Variants in AIG1 observed in about 807,000 individuals in gnomAD.
The protein encoded by AIG1 is androgen induced 1.
AIG1 carries 23 observed loss-of-function variants against 31.4 expected under a neutral mutation model. The observed-to-expected ratio is 0.73, with a 90% CI of 0.53 to 1.04. AIG1 has a LOEUF of 1.04. AIG1 is among the 50% of genes least tolerant of loss of function. The pLI, the probability that AIG1 is intolerant of heterozygous loss-of-function variation, is 0.00. For synonymous variants in AIG1, 100 were observed against 110.5 expected (o/e 0.90, Z 0.60); for missense variants, 274 against 295.0 (o/e 0.93, Z 0.52).
intron 1 of AIG1, among the ~76,000 whole-genome samples, chr6:143,081,194 T>G (rs575558185): frequency 6.6e-6 from 1 of 152,244 alleles, no homozygotes; most frequent in East Asian, 1.9e-4. Flanking sequence ...TTAGCTTTTT[T>G]AGATGTCGTT....
chr6:143,254,763 T>C (rs1382313290), intron 3 of AIG1, among the ~76,000 whole-genome samples: 3 of 152,160 alleles, frequency 2.0e-5, no homozygotes, highest in African/African-American at 4.8e-5. Flanking sequence ...CTTGTATTCC[T>C]AGCAAGCGTG....
intron 3 of AIG1, among the ~76,000 whole-genome samples, chr6:143,182,929 A>T (rs991408088): frequency 5.9e-5 from 9 of 152,144 alleles, no homozygotes; most frequent in Non-Finnish European, 8.8e-5. Context: ...TTATTTTCTA[A>T]CTTGTATTTA....
intron 4 of AIG1, among the ~76,000 whole-genome samples, chr6:143,311,924 A>C (rs1413901499): frequency 6.6e-6 from 1 of 152,052 alleles, no homozygotes; most frequent in Non-Finnish European, 1.5e-5. Flanking sequence ...ACATTGAAGA[A>C]TCTGAAAAAG....
At chr6:143,104,653 C>T (rs1562380030) in intron 1 of AIG1, among the ~76,000 whole-genome samples, 1 of 151,904 alleles carries the variant, frequency 6.6e-6, no homozygotes, top group Non-Finnish European at 1.5e-5. Context: ...AATCCCAGTA[C>T]TTTGGGAGGC....
At chr6:143,336,970 C>CG (rs1777538669) in intron 5 of AIG1, among the ~76,000 whole-genome samples, 2 of 152,236 alleles carry the variant, frequency 1.3e-5, no homozygotes, top group South Asian at 2.1e-4. Context: ...CTGAAGCTAG[C>CG]GGGGGAAATT....
At chr6:143,182,578 T>C (rs1788833404) in intron 3 of AIG1, among the ~76,000 whole-genome samples, 1 of 151,982 alleles carries the variant, frequency 6.6e-6, no homozygotes, top group Admixed American at 6.6e-5. Flanking sequence ...AACCCCATAC[T>C]CCCCACTCAC....
intron 4 of AIG1, among the ~76,000 whole-genome samples, chr6:143,302,193 T>G (rs1449526251): frequency 6.6e-6 from 1 of 151,780 alleles, no homozygotes; most frequent in East Asian, 1.9e-4. Context: ...ATTTTTTTAT[T>G]TTTTATTTTT....
chr6:143,071,762 C>CT (rs966711415), intron 1 of AIG1, among the ~76,000 whole-genome samples: 7 of 149,074 alleles, frequency 4.7e-5, no homozygotes, highest in Admixed American at 1.3e-4. Context: ...TTCTTCTCTT[C>CT]TTTTTTTTTC....
chr6:143,333,186 G>T lies in AIG1; in HGVS notation c.516-96G>T. ...TTGAGACTGGCAAATGCTGAAGCATGGGGAGAGTGAGGGAGTGTATATTTG... is the reference window on the plus strand; with the variant it reads ...TTGAGACTGGCAAATGCTGAAGCATTGGGAGAGTGAGGGAGTGTATATTTG... On this transcript the variant is annotated intron_variant, in intron 4 of 5. Coordinates refer to ENST00000357847, the MANE Select transcript of AIG1 (RefSeq NM_016108.4). The surrounding 1 kb of genome is among the most constrained non-coding windows in gnomAD (Gnocchi z 4.6). The T allele has an allele frequency of 8.1e-7, 1 of 1,238,862 alleles. No individual in the cohort carries two copies. The highest frequency in any genetic ancestry group is 2.2e-5 in the South Asian group (1 of 46,158). 76.7% of individuals were successfully genotyped at this position (1,238,862 alleles called of 1,614,324 possible).
At chr6:143,342,411 G>A, downstream of AIG1, 1 of 733,184 alleles carries the variant, frequency 1.4e-6, no homozygotes, top group Non-Finnish European at 2.5e-6. Flanking sequence ...GTTCAGAAAA[G>A]AACCCAGTAA....
At chr6:143,233,970 T>C (rs543967798) in intron 3 of AIG1, among the ~76,000 whole-genome samples, 1 of 152,350 alleles carries the variant, frequency 6.6e-6, no homozygotes, top group South Asian at 2.1e-4. Flanking sequence ...TATTAGAAAG[T>C]CTTTTCTTCT....
rs1797868108 is a variant in AIG1, at chr6:143,288,861, G to A, written c.515+4636G>A. Among the ~76,000 whole-genome samples, 2 of 152,314 alleles carry A rather than the reference G, an allele frequency of 1.3e-5. No homozygotes were observed. Among genetic ancestry groups the A allele is most frequent in the South Asian group, 4.2e-4 (2 of 4,818 alleles). On this transcript the variant is annotated intron_variant, in intron 4 of 5. Coordinates refer to ENST00000357847, the MANE Select transcript of AIG1 (RefSeq NM_016108.4). The surrounding 1 kb of genome is among the most constrained non-coding windows in gnomAD (Gnocchi z 4.4). ...GTATGCATTGATTTGACCTGAAAAGGTAGGATGTCTCAAAGAAGTAGTGGG... is the reference window on the plus strand; with the variant it reads ...GTATGCATTGATTTGACCTGAAAAGATAGGATGTCTCAAAGAAGTAGTGGG...
At chr6:143,140,874 C>A (rs1406591021) in intron 2 of AIG1, among the ~76,000 whole-genome samples, 1 of 152,222 alleles carries the variant, frequency 6.6e-6, no homozygotes, top group Non-Finnish European at 1.5e-5. Flanking sequence ...GAGTACCAGA[C>A]ATCCTATAGC....
chr6:143,307,395 GT>G (rs749314811), intron 4 of AIG1, among the ~76,000 whole-genome samples: 1 of 152,198 alleles, frequency 6.6e-6, no homozygotes, highest in Non-Finnish European at 1.5e-5. Flanking sequence ...TGTCCTTTCT[GT>G]TTGTTAGTTT....
At chr6:143,193,331 T>G (rs1789954826) in intron 3 of AIG1, among the ~76,000 whole-genome samples, 1 of 152,256 alleles carries the variant, frequency 6.6e-6, no homozygotes, top group Non-Finnish European at 1.5e-5. Context: ...TACAGTTTTC[T>G]GTCTTTCATT....
At chr6:143,234,983 G>A (rs1295109906) in intron 3 of AIG1, among the ~76,000 whole-genome samples, 1 of 152,140 alleles carries the variant, frequency 6.6e-6, no homozygotes, top group Non-Finnish European at 1.5e-5. Context: ...CCTTCCTGGG[G>A]CGGGGGTGGA....
chr6:143,186,709 C>T (rs1583453248), intron 3 of AIG1: 1 of 152,278 alleles, frequency 6.6e-6, no homozygotes, highest in East Asian at 1.9e-4. Context: ...TTAGGCTGCA[C>T]TTCTAATGAA....
Position 143,117,437 on chromosome 6 carries a change from G to A in AIG1, c.142-19398G>A, listed in dbSNP as rs62429638. Among the ~76,000 whole-genome samples the A allele has an allele frequency of 1.5e-3, 225 of 152,276 alleles. 1 individual carries two copies. The highest frequency in any genetic ancestry group is 2.5e-3 in the Non-Finnish European group (170 of 68,022). On this transcript the variant is annotated intron_variant, in intron 1 of 5. Transcript: ENST00000357847. ...TATGGAGGTTATTTTTAAAGATAGAGCCAACAGGATTTGCTAAAGAATGGC... is the reference window on the plus strand; with the variant it reads ...TATGGAGGTTATTTTTAAAGATAGAACCAACAGGATTTGCTAAAGAATGGC...
At chr6:143,267,435 G>A (rs538072455) in intron 3 of AIG1, among the ~76,000 whole-genome samples, 58 of 152,286 alleles carry the variant, frequency 3.8e-4, no homozygotes, top group Admixed American at 6.5e-4. Context: ...ACAGCACACA[G>A]CTATTTTTAT....
Sources: gnomAD v4.1 joint callset for allele counts (sites outside exome capture counted in the v4.1 genomes callset) on GRCh38, gnomAD v4.1.1 for gene constraint, Gnocchi (gnomAD v3.1) non-coding constraint, MANE v1.5 for transcripts, NCBI Gene and HGNC (gene_info 2026-07-23, HGNC 2026-07-21) for gene names.